The following ITPR2 variants were observed in gnomAD, a reference collection of about 807,000 sequenced individuals.
The protein encoded by ITPR2 is inositol 1,4,5-trisphosphate-gated calcium channel ITPR2.
In ITPR2, 207 loss-of-function variants were observed where a neutral mutation model predicts 317.1. The observed-to-expected ratio is 0.65, with a 90% CI of 0.58 to 0.73. The LOEUF (loss-of-function observed/expected upper bound fraction) is 0.73, where lower values mean the gene tolerates loss of function less well. Ranked by LOEUF, ITPR2 falls within the 30% of genes least tolerant of loss-of-function variation. The pLI, the probability that ITPR2 is intolerant of heterozygous loss-of-function variation, is 0.00. For missense variants in ITPR2, 2,613 were observed against 3,284.0 expected (o/e 0.80, Z 4.99); for synonymous variants, 1,156 against 1,149.1 (o/e 1.01, Z -0.12).
intron 26 of ITPR2, among the ~76,000 whole-genome samples, chr12:26,604,319 CT>C (rs1351944904): frequency 2.0e-5 from 3 of 152,176 alleles, no homozygotes; most frequent in African/African-American, 4.8e-5. Flanking sequence ...AAGTGACCCC[CT>C]CCTCCCATTT....
chr12:26,578,975 C>A, intron 33 of ITPR2, 142 bp from the exon 34 acceptor site: 1 of 746,900 alleles, frequency 1.3e-6, no homozygotes, highest in Non-Finnish European at 2.0e-6. Context: ...ATAAATATCT[C>A]ATTCATGAAA....
At chr12:26,665,226 C>G (rs1353430374) in intron 14 of ITPR2, among the ~76,000 whole-genome samples, 2 of 152,100 alleles carry the variant, frequency 1.3e-5, no homozygotes, top group Non-Finnish European at 2.9e-5. Context: ...CCCTACTTTC[C>G]CAGGGAAGAG....
intron 41 of ITPR2, among the ~76,000 whole-genome samples, 199 bp downstream of exon 41, chr12:26,485,905 T>A (rs1942654305): frequency 6.6e-6 from 1 of 152,238 alleles, no homozygotes; most frequent in East Asian, 1.9e-4. Context: ...AGCCTGATTT[T>A]TTTTTCTTGC....
intron 26 of ITPR2, among the ~76,000 whole-genome samples, chr12:26,617,715 G>T: frequency 8.9e-6 from 1 of 112,748 alleles, no homozygotes; most frequent in Admixed American, 9.6e-5. Flanking sequence ...AAGGAAGGAG[G>T]GAAGGAGGAA....
chr12:26,341,828 A>T lies in ITPR2; in HGVS notation c.7858-1500T>A, dbSNP rs116970666. Among the ~76,000 whole-genome samples, 34 of 152,340 alleles carry T rather than the reference A, an allele frequency of 2.2e-4. No individual in the cohort carries two copies. In the East Asian group the frequency reaches 5.8e-3, roughly 26 times the overall value. On this transcript the variant is annotated intron_variant, in intron 55 of 56. Transcript: ENST00000381340. ...AAAGAGTGGGCTGCACACTGTGTGT[A>T]TCAAAATCCCCTGGTTGCTTGTTAA...
In ITPR2 at chr12:26,626,952, CA is replaced by C. The variant is rs1042808390; in HGVS notation, c.3064+1080del. On this transcript the variant is annotated intron_variant, in intron 23 of 56. Coordinates refer to ENST00000381340, the MANE Select transcript of ITPR2 (RefSeq NM_002223.4). Reference sequence around the variant, plus strand: ...CTATAATGACTTGGCCTGACCTGTCCAAAAAAAAAAATGGTAATTTAATATT... The same window carrying C: ...CTATAATGACTTGGCCTGACCTGTCCAAAAAAAAAATGGTAATTTAATATT... Among the ~76,000 whole-genome samples, 906 of 139,868 alleles carry C rather than the reference CA, an allele frequency of 6.5e-3. 7 individuals carry two copies. The highest frequency in any genetic ancestry group is 0.021 in the African/African-American group (809 of 38,176). The allele number at this position is 139,868 out of a possible 152,430, so 91.8% of individuals were successfully genotyped here.
intron 2 of ITPR2, among the ~76,000 whole-genome samples, chr12:26,727,318 G>A (rs1948946791): frequency 6.6e-6 from 1 of 152,216 alleles, no homozygotes. Context: ...TAGGCAAGTG[G>A]CAAAACTCTA....
intron 37 of ITPR2, among the ~76,000 whole-genome samples, chr12:26,496,897 T>C (rs1297489712): frequency 6.7e-6 from 1 of 149,952 alleles, no homozygotes; most frequent in African/African-American, 2.5e-5. Context: ...TGAGCCGAGA[T>C]TGTGACACTG....
At chr12:26,764,911 T>A (rs11608906) in intron 2 of ITPR2, among the ~76,000 whole-genome samples, 38 of 152,180 alleles carry the variant, frequency 2.5e-4, no homozygotes, top group Admixed American at 4.6e-4. Context: ...ATTGTTATTG[T>A]TTTCTCTTCT....
chr12:26,612,419 T>C (rs1565640510), intron 26 of ITPR2, among the ~76,000 whole-genome samples: 1 of 152,222 alleles, frequency 6.6e-6, no homozygotes, highest in Non-Finnish European at 1.5e-5. Context: ...GGCCTGCTAG[T>C]GTGTGTGCTG....
chr12:26,762,052 A>G (rs189310168), intron 2 of ITPR2, among the ~76,000 whole-genome samples: 46 of 152,342 alleles, frequency 3.0e-4, no homozygotes, highest in Non-Finnish European at 5.1e-4. Flanking sequence ...AAGAAACATG[A>G]GAAAAAAAGA....
chr12:26,523,980 G>A (rs1462408247), intron 37 of ITPR2, among the ~76,000 whole-genome samples: 1 of 152,218 alleles, frequency 6.6e-6, no homozygotes, highest in Non-Finnish European at 1.5e-5. Flanking sequence ...TCTGCACGGA[G>A]TGTGCACATG....
intron 8 of ITPR2, among the ~76,000 whole-genome samples, chr12:26,713,208 A>T (rs918989319): frequency 1.3e-5 from 2 of 152,226 alleles, no homozygotes; most frequent in African/African-American, 4.8e-5. Flanking sequence ...GCATTCAGAT[A>T]AGCCCATGTC....
chr12:26,602,825 C>T, intron 26 of ITPR2, 119 bp from the exon 27 acceptor site: 1 of 488,998 alleles, frequency 2.0e-6, no homozygotes, highest in African/African-American at 2.0e-5. Flanking sequence ...TATTATTCAA[C>T]TTAAATGTTT....
intron 21 of ITPR2, among the ~76,000 whole-genome samples, chr12:26,652,701 C>T (rs1219304495): frequency 6.6e-6 from 1 of 152,142 alleles, no homozygotes; most frequent in Non-Finnish European, 1.5e-5. Context: ...AAGGGTGGCC[C>T]CCTTTGCCTT....
intron 10 of ITPR2, among the ~76,000 whole-genome samples, chr12:26,691,350 C>G (rs1948236723): frequency 6.6e-6 from 1 of 151,946 alleles, no homozygotes; most frequent in Non-Finnish European, 1.5e-5. Flanking sequence ...AACACTAGTT[C>G]CCCACACCGA....
chr12:26,527,314 T>G lies in ITPR2; in HGVS notation c.5073+22933A>C, dbSNP rs1016158741. Among the ~76,000 whole-genome samples, 13 of 152,258 alleles carry G rather than the reference T, an allele frequency of 8.5e-5. 1 individual carries two copies. Among genetic ancestry groups the G allele is most frequent in the Admixed American group, 7.9e-4 (12 of 15,280 alleles). On this transcript the variant is annotated intron_variant, in intron 37 of 56. Transcript: ENST00000381340. ...CTTGGTGTGTCCTCAGACTTGGCAT[T>G]GCACTTTGTAGGAAGAATGCCTTTG...
intron 2 of ITPR2, among the ~76,000 whole-genome samples, chr12:26,729,618 C>T (rs1358411918): frequency 6.6e-6 from 1 of 152,110 alleles, no homozygotes; most frequent in Admixed American, 6.5e-5. Flanking sequence ...GAATACTATG[C>T]AGCCATAAAA....
intron 32 of ITPR2, among the ~76,000 whole-genome samples, chr12:26,593,735 TTG>T (rs1491105499): frequency 0.045 from 4,015 of 89,218 alleles, 151 homozygotes; most frequent in African/African-American, 0.12. Flanking sequence ...TGCTATTTTT[TTG>T]TTTTTTTTTT....
Sources: allele counts gnomAD v4.1 joint callset (sites outside exome capture counted in the v4.1 genomes callset), GRCh38; gene constraint gnomAD v4.1.1; transcripts MANE v1.5; gene names NCBI Gene and HGNC (gene_info 2026-07-23, HGNC 2026-07-21).